BLTP3A: variants seen among roughly 807,000 people sequenced by gnomAD.
BLTP3A encodes the protein ICBP90 binding protein 1.
the BLTP3A span, among the ~76,000 whole-genome samples, chr6:34,871,334 G>A: frequency 6.6e-6 from 1 of 152,160 alleles, no homozygotes; most frequent in Non-Finnish European, 1.5e-5. Context: ...CAGGGTTCAG[G>A]TGAGGAGACC....
chr6:34,794,241 C>G, the BLTP3A span, among the ~76,000 whole-genome samples: 4 of 152,078 alleles, frequency 2.6e-5, no homozygotes, highest in Admixed American at 1.3e-4. Context: ...AGGATGGATA[C>G]TCCATTCTGC....
the BLTP3A span, among the ~76,000 whole-genome samples, chr6:34,795,013 T>A: frequency 6.6e-6 from 1 of 152,014 alleles, no homozygotes; most frequent in East Asian, 1.9e-4. Context: ...GGTCTCGATC[T>A]CCTGACCTCG....
the BLTP3A span, among the ~76,000 whole-genome samples, chr6:34,868,183 G>T: frequency 1.3e-5 from 2 of 152,132 alleles, no homozygotes; most frequent in Admixed American, 6.5e-5. Context: ...GCGGGTGCCT[G>T]TAATCCCAGC....
At chr6:34,857,179 G>A in the BLTP3A span, 2 of 1,068,038 alleles carry the variant, frequency 1.9e-6, no homozygotes, top group Non-Finnish European at 2.7e-6. Context: ...TGCGAGGCAG[G>A]TGTGAGAACA....
At chr6:34,867,208 TC>T in the BLTP3A span, 3 of 1,593,956 alleles carry the variant, frequency 1.9e-6, no homozygotes, top group African/African-American at 2.7e-5. Context: ...AATTCATTTG[TC>T]CTCTTTTTCA....
the BLTP3A span, among the ~76,000 whole-genome samples, chr6:34,844,236 C>T: frequency 6.6e-6 from 1 of 151,848 alleles, no homozygotes; most frequent in Non-Finnish European, 1.5e-5. Flanking sequence ...CCCACCTTGG[C>T]CTCCCAAAGT....
chr6:34,871,900 C>G, the BLTP3A span: 1 of 1,614,064 alleles, frequency 6.2e-7, no homozygotes, highest in African/African-American at 1.3e-5. Context: ...TTTTTGGTGC[C>G]CACAGGAGAG....
chr6:34,864,235 C>A, the BLTP3A span: 1 of 1,589,946 alleles, frequency 6.3e-7, no homozygotes. Flanking sequence ...TTGCAGAAGT[C>A]CAGAAAGGGT....
chr6:34,848,021 A>G, the BLTP3A span, among the ~76,000 whole-genome samples: 12 of 141,766 alleles, frequency 8.5e-5, no homozygotes, highest in African/African-American at 3.2e-4. Flanking sequence ...CTGGGCTCAG[A>G]TGATCCTCCA....
At chr6:34,834,958 C>T in the BLTP3A span, 4 of 1,459,684 alleles carry the variant, frequency 2.7e-6, no homozygotes, top group African/African-American at 5.7e-5. Context: ...GTTATTGGCC[C>T]TGGAATGACA....
chr6:34,859,251 A>C, the BLTP3A span: 1 of 1,614,136 alleles, frequency 6.2e-7, no homozygotes, highest in Non-Finnish European at 8.5e-7. Flanking sequence ...AGCAGCTGGC[A>C]GGGAAGGGCC....
chr6:34,795,564 A>ATTTT, the BLTP3A span, among the ~76,000 whole-genome samples: 1 of 122,388 alleles, frequency 8.2e-6, no homozygotes, highest in African/African-American at 3.1e-5. Context: ...CACCCGGCTG[A>ATTTT]TTTTTTTTTT....
At chr6:34,867,657 T>C in the BLTP3A span, 5 of 1,589,092 alleles carry the variant, frequency 3.1e-6, no homozygotes, top group Non-Finnish European at 4.3e-6. Context: ...ATGGGACTTG[T>C]CTAGGACAGC....
the BLTP3A span, chr6:34,872,437 G>A: frequency 6.2e-7 from 1 of 1,606,150 alleles, no homozygotes; most frequent in Non-Finnish European, 8.5e-7. Flanking sequence ...TTTGAGCTCT[G>A]AAACCAGTGG....
the BLTP3A span, chr6:34,834,313 T>A: frequency 2.5e-6 from 4 of 1,614,110 alleles, no homozygotes; most frequent in Non-Finnish European, 3.4e-6. Context: ...ACGCTTCTTT[T>A]GAATTGTGGC....
the BLTP3A span, chr6:34,836,370 T>G: frequency 4.4e-4 from 705 of 1,607,322 alleles, 6 homozygotes; most frequent in Non-Finnish European, 4.5e-4. Context: ...GGCCTGAGCC[T>G]GGGCTGGGTG....
the BLTP3A span, among the ~76,000 whole-genome samples, chr6:34,797,454 T>C: frequency 1.4e-3 from 207 of 152,266 alleles, no homozygotes; most frequent in African/African-American, 4.7e-3. Flanking sequence ...AGCAAAGATC[T>C]TAGAGATCAT....
chr6:34,875,838 A>T, the BLTP3A span: 1 of 152,490 alleles, frequency 6.6e-6, no homozygotes, highest in Non-Finnish European at 1.5e-5. Context: ...AGTGTAAAGG[A>T]AAATATGCAA....
the BLTP3A span, chr6:34,857,857 G>A: frequency 6.2e-7 from 1 of 1,614,108 alleles, no homozygotes; most frequent in Non-Finnish European, 8.5e-7. Context: ...TCTACAAGCT[G>A]GAAGATTCAA....
Sources: allele counts gnomAD v4.1 joint callset (sites outside exome capture counted in the v4.1 genomes callset), GRCh38; gene constraint gnomAD v4.1.1; transcripts MANE v1.5; gene names NCBI Gene and HGNC (gene_info 2026-07-23, HGNC 2026-07-21).